Variants in GPX3 observed in about 807,000 individuals in gnomAD.
GPX3 encodes glutathione peroxidase 3.
A neutral mutation model predicts 25.1 loss-of-function variants in GPX3; 22 were observed. That is an observed-to-expected ratio of 0.88 (90% CI 0.63 to 1.25). The LOEUF (loss-of-function observed/expected upper bound fraction) is 1.25. GPX3 is among the 50% of genes most tolerant of loss of function. The pLI is 0.00. For synonymous variants in GPX3, 110 were observed against 114.5 expected, an observed-to-expected ratio of 0.96 and a Z score of 0.25; for missense variants, 278 against 286.6, an observed-to-expected ratio of 0.97 and a Z score of 0.22.
In GPX3 at chr5:151,028,396, T is replaced by G. The variant is rs970982967; in HGVS notation, c.*266T>G. On this transcript the variant is annotated 3_prime_UTR_variant, in exon 5 of 5. Transcript: ENST00000388825. ...ACAGCCACGTGTCTACCTATGTGTC[T>G]TTCTGGGAATGTGTACCATCTGTGT... 4.2e-6 allele frequency: 2 copies of G among 477,444 alleles called. No homozygotes were observed. The highest frequency in any genetic ancestry group is 2.0e-5 in the African/African-American group (1 of 51,274). The allele number at this position is 477,444 out of a possible 1,614,324, so 29.6% of individuals were successfully genotyped here.
At chr5:151,023,561 C>T (rs1756507762) in intron 1 of GPX3, among the ~76,000 whole-genome samples, 1 of 152,196 alleles carries the variant, frequency 6.6e-6, no homozygotes, top group African/African-American at 2.4e-5. Flanking sequence ...ATTATTAGGA[C>T]AACCTGTAAT....
intron 4 of GPX3, 67 bp from the exon 5 acceptor site, chr5:151,027,842 A>G (rs762874115): frequency 7.8e-6 from 10 of 1,279,946 alleles, no homozygotes; most frequent in Non-Finnish European, 1.0e-5. Flanking sequence ...TTCCCCAGGA[A>G]GGCCTGGGAA....
At chr5:151,025,270 T>C in intron 1 of GPX3, 70 bp from the exon 2 acceptor site, 1 of 1,310,544 alleles carries the variant, frequency 7.6e-7, no homozygotes, top group South Asian at 1.6e-5. Flanking sequence ...GGATCTTTCA[T>C]TCTTTTGAAA....
intron 1 of GPX3, among the ~76,000 whole-genome samples, chr5:151,023,914 C>T (rs573869781): frequency 4.4e-4 from 67 of 152,326 alleles, no homozygotes; most frequent in Middle Eastern, 3.4e-3. Flanking sequence ...GCGGAGGAAG[C>T]GCAGCCTCGC....
chr5:151,020,847 A>G, intron 1 of GPX3, 106 bp downstream of exon 1: 1 of 1,091,844 alleles, frequency 9.2e-7, no homozygotes, highest in Non-Finnish European at 1.4e-6. Flanking sequence ...CAGATGGGCA[A>G]TCCCCAGGTG....
chr5:151,024,080 A>G, intron 1 of GPX3, among the ~76,000 whole-genome samples: 1 of 152,084 alleles, frequency 6.6e-6, no homozygotes, highest in East Asian at 1.9e-4. Context: ...GAGGGAGTGA[A>G]TTTGCTTCTC....
At position 151,028,016 on chromosome 5, in the gene GPX3, G is replaced by A. The variant is rs1299369463; in HGVS notation, c.567G>A (p.Gly189=). The change falls in exon 5 of 5, where the codon GGG becomes GGA. Residue 189 remains glycine (G), a synonymous_variant. Transcript: ENST00000388825. ...IRWNFEKFLV[G]PDGIPIMRWH... is the part of the protein sequence containing the mutation. Reference sequence around the variant, plus strand: ...GGAACTTTGAGAAGTTCCTGGTGGGGCCAGATGGTATACCCATCATGCGCT... The same window carrying A: ...GGAACTTTGAGAAGTTCCTGGTGGGACCAGATGGTATACCCATCATGCGCT... 6.2e-7 allele frequency: 1 copy of A among 1,614,190 alleles called. No homozygotes were observed. Among genetic ancestry groups the A allele is most frequent in the Non-Finnish European group, 8.5e-7 (1 of 1,180,024 alleles).
chr5:151,027,784 G>A (rs1244604792), intron 4 of GPX3, 125 bp from the exon 5 acceptor site: 5 of 822,468 alleles, frequency 6.1e-6, no homozygotes, highest in Non-Finnish European at 1.1e-5. Context: ...GCTGGCGCTG[G>A]CAGTCTTCTA....
chr5:151,025,595 G>A (rs1224334349), intron 2 of GPX3, 102 bp downstream of exon 2: 22 of 1,012,212 alleles, frequency 2.2e-5, no homozygotes, highest in South Asian at 5.2e-5. Flanking sequence ...TGGCAATCAC[G>A]AGAGTCCAAG....
At chr5:151,021,811 C>G (rs971442647) in intron 1 of GPX3, 1 of 152,408 alleles carries the variant, frequency 6.6e-6, no homozygotes, top group African/African-American at 2.4e-5. Flanking sequence ...AGACTCAAAG[C>G]GAGCGATTTC....
intron 1 of GPX3, among the ~76,000 whole-genome samples, chr5:151,022,527 C>A (rs1431300924): frequency 6.6e-6 from 1 of 152,172 alleles, no homozygotes; most frequent in Admixed American, 6.5e-5. Context: ...CAACCACTCA[C>A]CTTACCCCCA....
chr5:151,022,077 C>T (rs948641944), intron 1 of GPX3, among the ~76,000 whole-genome samples: 5 of 152,204 alleles, frequency 3.3e-5, no homozygotes, highest in African/African-American at 7.2e-5. Flanking sequence ...GAAGCCACTT[C>T]GTCCAAGTCC....
At chr5:151,021,611 T>A in intron 1 of GPX3, 1 of 152,288 alleles carries the variant, frequency 6.6e-6, no homozygotes, top group East Asian at 1.9e-4. Flanking sequence ...GGTAGAATTC[T>A]CTAGAGCCTC....
At chr5:151,027,345 C>A in intron 3 of GPX3, 87 bp from the exon 4 acceptor site, 2 of 848,486 alleles carry the variant, frequency 2.4e-6, no homozygotes, top group Non-Finnish European at 3.9e-6. Flanking sequence ...AGACTCCCAA[C>A]ACCCTCTCCC....
rs77027090 is a variant in GPX3 at position 151,023,328 on chromosome 5, G to A, written c.88-2012G>A. Among the ~76,000 whole-genome samples the A allele has an allele frequency of 4.8e-3, 730 of 152,248 alleles. 9 individuals carry two copies. Among genetic ancestry groups the A allele is most frequent in the African/African-American group, 0.017 (714 of 41,536 alleles). On this transcript the variant is annotated intron_variant, in intron 1 of 4. Transcript: ENST00000388825. Reference sequence around the variant, plus strand: ...CCACTATCCCTTGACATGAGATTTCGTTCCAAGAGACTCCAGGCCTGTTTT... The same window carrying A: ...CCACTATCCCTTGACATGAGATTTCATTCCAAGAGACTCCAGGCCTGTTTT...
intron 3 of GPX3, 76 bp downstream of exon 3, chr5:151,027,093 G>A: frequency 2.1e-6 from 2 of 975,140 alleles, no homozygotes; most frequent in Non-Finnish European, 3.2e-6. Flanking sequence ...AAATCATGGT[G>A]GACATTTATC....
chr5:151,024,193 A>G (rs528360562), intron 1 of GPX3, among the ~76,000 whole-genome samples: 1 of 152,354 alleles, frequency 6.6e-6, no homozygotes, highest in South Asian at 2.1e-4. Flanking sequence ...AGGGCCACAA[A>G]GGACCTTAAA....
intron 1 of GPX3, among the ~76,000 whole-genome samples, chr5:151,024,901 C>T (rs1367840620): frequency 2.6e-5 from 4 of 152,136 alleles, no homozygotes; most frequent in Non-Finnish European, 4.4e-5. Context: ...CTGGATTATT[C>T]CAACAGCCAC....
Position 151,021,227 on chromosome 5 carries a change from G to A in GPX3, c.87+486G>A, listed in dbSNP as rs555672046. 3 of 213,832 alleles carry A rather than the reference G, an allele frequency of 1.4e-5. No individual in the cohort carries two copies. In the South Asian group the frequency reaches 1.7e-4, roughly 12 times the overall value. 13.2% of individuals were successfully genotyped at this position (213,832 alleles called of 1,614,324 possible). On this transcript the variant is annotated intron_variant, in intron 1 of 4. Coordinates refer to ENST00000388825, the MANE Select transcript of GPX3 (RefSeq NM_002084.5). Reference sequence around the variant, plus strand: ...CTGGTCCTGAAGAACTGCTGTGGGGGGCTCTTCTACCCCAAGAATGATACA... The same window carrying A: ...CTGGTCCTGAAGAACTGCTGTGGGGAGCTCTTCTACCCCAAGAATGATACA...
Sources: allele counts gnomAD v4.1 joint callset (sites outside exome capture counted in the v4.1 genomes callset), GRCh38; gene constraint gnomAD v4.1.1; transcripts MANE v1.5; gene names NCBI Gene and HGNC (gene_info 2026-07-23, HGNC 2026-07-21).